FNIP2: variants seen among roughly 807,000 people sequenced by gnomAD.
The protein encoded by FNIP2 is folliculin interacting protein 2, also known as folliculin-interacting protein 2.
Under a neutral mutation model 108.7 loss-of-function variants are expected in FNIP2, and 32 were observed. The ratio of observed to expected loss-of-function variants is 0.29; its 90% CI spans 0.22 to 0.40. The LOEUF is 0.40. FNIP2 is among the 10% of genes least tolerant of loss of function. The pLI is 1.00. For synonymous variants in FNIP2, 480 were observed against 496.7 expected, an observed-to-expected ratio of 0.97 and a Z score of 0.45; for missense variants, 1,202 against 1,381.6, an observed-to-expected ratio of 0.87 and a Z score of 2.06.
intron 8 of FNIP2, among the ~76,000 whole-genome samples, chr4:158,858,092 G>A (rs1780090307): frequency 1.3e-5 from 2 of 152,338 alleles, no homozygotes; most frequent in South Asian, 4.1e-4. Context: ...CCAGGGGGCA[G>A]AAGGCTAATT....
At chr4:158,843,571 A>G (rs1779240152) in intron 7 of FNIP2, among the ~76,000 whole-genome samples, 1 of 152,238 alleles carries the variant, frequency 6.6e-6, no homozygotes, top group South Asian at 2.1e-4. Flanking sequence ...ACCACTGAGG[A>G]AAAGAAAACT....
chr4:158,854,172 A>G (rs745544355), intron 8 of FNIP2, among the ~76,000 whole-genome samples: 1 of 152,334 alleles, frequency 6.6e-6, no homozygotes, highest in Admixed American at 6.5e-5. Flanking sequence ...CTTTATTGCA[A>G]TGTCCCCATG....
At chr4:158,856,409 T>A (rs867154428) in intron 8 of FNIP2, among the ~76,000 whole-genome samples, 3 of 152,232 alleles carry the variant, frequency 2.0e-5, no homozygotes, top group Non-Finnish European at 4.4e-5. Context: ...TTATTTATGA[T>A]CTTGAAGTAC....
chr4:158,873,170 CCT>C (rs1035779838), intron 14 of FNIP2, among the ~76,000 whole-genome samples: 4 of 151,252 alleles, frequency 2.6e-5, no homozygotes, highest in South Asian at 2.1e-4. Flanking sequence ...AAAAAACAAA[CCT>C]ATTTTTTGAA....
intron 1 of FNIP2, among the ~76,000 whole-genome samples, chr4:158,824,686 T>G (rs1394497221): frequency 6.6e-6 from 1 of 152,214 alleles, no homozygotes; most frequent in African/African-American, 2.4e-5. Context: ...GCAGACCTGA[T>G]CTTATCAAGC....
intron 14 of FNIP2, among the ~76,000 whole-genome samples, chr4:158,882,129 TGAG>T (rs1022889434): frequency 4.1e-5 from 6 of 147,996 alleles, no homozygotes; most frequent in South Asian, 4.3e-4. Flanking sequence ...GTCTGAGAAA[TGAG>T]GAGCCCCTCT....
chr4:158,850,864 C>A (rs1779659419), intron 7 of FNIP2, among the ~76,000 whole-genome samples: 1 of 151,870 alleles, frequency 6.6e-6, no homozygotes, highest in African/African-American at 2.4e-5. Flanking sequence ...ACAGTCTGAG[C>A]AATGATTATT....
rs1242112308 is a variant in FNIP2 at position 158,881,383 on chromosome 4, CTCTCCCTCTCTCTCTCTTTCCACGG to C, written c.2950-10052_2950-10028del. On this transcript the variant is annotated intron_variant, in intron 14 of 16. Coordinates refer to ENST00000264433, the MANE Select transcript of FNIP2 (RefSeq NM_020840.3). ...CTCTCCCTCTCTTTCCACGGTCTCC[CTCTCCCTCTCTCTCTCTTTCCACGG>C]TCTCCCTCTCCCTCTCTTTCCACGG... Among the ~76,000 whole-genome samples, 35 of 141,300 alleles carry C rather than the reference CTCTCCCTCTCTCTCTCTTTCCACGG, an allele frequency of 2.5e-4. 1 individual carries two copies. In the East Asian group the frequency reaches 6.7e-3, roughly 27 times the overall value. 92.7% of individuals were successfully genotyped at this position (141,300 alleles called of 152,430 possible).
intron 16 of FNIP2, among the ~76,000 whole-genome samples, chr4:158,900,708 ATTTT>A: frequency 6.7e-6 from 1 of 150,158 alleles, no homozygotes; most frequent in East Asian, 1.9e-4. Context: ...CCATCTCTTT[ATTTT>A]GAGTCTGTGT....
chr4:158,816,100 T>C (rs1438873948), intron 1 of FNIP2, among the ~76,000 whole-genome samples: 3 of 152,114 alleles, frequency 2.0e-5, no homozygotes, highest in Non-Finnish European at 4.4e-5. Flanking sequence ...TTTTAACCTA[T>C]CTCTTTTAGA....
intron 1 of FNIP2, among the ~76,000 whole-genome samples, chr4:158,777,002 T>G (rs1306833062): frequency 6.6e-6 from 1 of 152,166 alleles, no homozygotes; most frequent in East Asian, 1.9e-4. Flanking sequence ...AATGATAGGG[T>G]AAAAGTGCTC....
At chr4:158,852,268 A>T (rs1370381436) in intron 8 of FNIP2, among the ~76,000 whole-genome samples, 2 of 152,212 alleles carry the variant, frequency 1.3e-5, no homozygotes, top group Non-Finnish European at 1.5e-5. Context: ...CCCTTCCTGG[A>T]AGAGATGACA....
chr4:158,811,995 C>T (rs958743684), intron 1 of FNIP2, among the ~76,000 whole-genome samples: 1 of 152,186 alleles, frequency 6.6e-6, no homozygotes, highest in African/African-American at 2.4e-5. Context: ...AATATTGCCT[C>T]AGGGCAAAGA....
intron 1 of FNIP2, among the ~76,000 whole-genome samples, chr4:158,820,747 G>A (rs957560655): frequency 2.1e-4 from 32 of 152,156 alleles, no homozygotes; most frequent in African/African-American, 6.0e-4. Flanking sequence ...CCCTCAGTCT[G>A]CAGTGACTTC....
intron 1 of FNIP2, among the ~76,000 whole-genome samples, chr4:158,769,829 T>C (rs1055433498): frequency 8.5e-5 from 13 of 152,218 alleles, no homozygotes; most frequent in Admixed American, 7.8e-4. Context: ...AATGAAAGTA[T>C]GTAATTTCCA....
intron 3 of FNIP2, among the ~76,000 whole-genome samples, chr4:158,830,364 G>A (rs1228903423): frequency 7.1e-6 from 1 of 141,554 alleles, no homozygotes. Context: ...CCGGGTTCAC[G>A]CCATTCTCCT....
intron 1 of FNIP2, among the ~76,000 whole-genome samples, chr4:158,775,384 C>T (rs993640919): frequency 1.3e-5 from 2 of 152,136 alleles, no homozygotes; most frequent in Admixed American, 6.5e-5. Context: ...ACTTACCAAG[C>T]ATTCTTTATC....
At chr4:158,877,740 T>C (rs1781361952) in intron 14 of FNIP2, among the ~76,000 whole-genome samples, 1 of 152,204 alleles carries the variant, frequency 6.6e-6, no homozygotes, top group Non-Finnish European at 1.5e-5. Context: ...AGGTATCTTT[T>C]ATGTGCTTGG....
chr4:158,844,100 AC>A (rs1779272206), intron 7 of FNIP2, among the ~76,000 whole-genome samples: 1 of 152,176 alleles, frequency 6.6e-6, no homozygotes, highest in Non-Finnish European at 1.5e-5. Flanking sequence ...TTCTCGACTT[AC>A]CACATTATGT....
Sources: allele counts gnomAD v4.1 joint callset (sites outside exome capture counted in the v4.1 genomes callset), GRCh38; gene constraint gnomAD v4.1.1; transcripts MANE v1.5; gene names NCBI Gene and HGNC (gene_info 2026-07-23, HGNC 2026-07-21).